KLHL13: variants seen among roughly 807,000 people sequenced by gnomAD.
The protein encoded by KLHL13 is kelch-like protein 13.
KLHL13 carries 10 observed loss-of-function variants against 37.1 expected under a neutral mutation model. The observed-to-expected ratio is 0.27, with a 90% CI of 0.17 to 0.46. KLHL13 has a LOEUF of 0.46. Among genes scored for constraint, KLHL13 ranks in the 20% least tolerant of loss-of-function variants. The pLI, the probability that KLHL13 is intolerant of heterozygous loss-of-function variation, is 1.00. For missense variants in KLHL13, 360 were observed against 509.3 expected, an observed-to-expected ratio of 0.71 and a Z score of 2.82; for synonymous variants, 163 against 181.2, an observed-to-expected ratio of 0.90 and a Z score of 0.81.
chrX:118,036,588 C>A (rs755350276), intron 1 of KLHL13, among the ~76,000 whole-genome samples: 1 of 111,619 alleles, frequency 9.0e-6, no homozygotes, highest in East Asian at 2.8e-4. Context: ...ATACAAAAAT[C>A]AATTCAAAAT....
At chrX:118,116,865 TGG>T (rs764710116), upstream of KLHL13, 40 of 12,960 alleles carry the variant, frequency 3.1e-3, no homozygotes, top group African/African-American at 5.5e-3. Context: ...GAGGGGGCAG[TGG>T]GGGGGGGAGC....
intron 1 of KLHL13, among the ~76,000 whole-genome samples, chrX:117,956,919 T>C (rs1158125300): frequency 2.7e-5 from 3 of 112,633 alleles, no homozygotes; most frequent in Non-Finnish European, 5.6e-5. Flanking sequence ...TTTGACTACA[T>C]ACATATTTCT....
chrX:117,919,077 G>A (rs969285718), intron 4 of KLHL13, among the ~76,000 whole-genome samples: 19 of 110,372 alleles, frequency 1.7e-4, no homozygotes, highest in African/African-American at 5.6e-4. Context: ...AGGCTGGAGT[G>A]CAATGGCGTG....
At chrX:117,930,242 G>GAGGGAGGAAGGA (rs1932346230) in intron 2 of KLHL13, among the ~76,000 whole-genome samples, 1 of 62,992 alleles carries the variant, frequency 1.6e-5, no homozygotes, top group African/African-American at 7.9e-5. Flanking sequence ...GGAAGGAAGG[G>GAGGGAGGAAGGA]AGGAAGGAAG....
chrX:117,905,110 C>A (rs1930412785), intron 5 of KLHL13, among the ~76,000 whole-genome samples: 1 of 110,913 alleles, frequency 9.0e-6, no homozygotes, highest in African/African-American at 3.3e-5. Flanking sequence ...ACATAGAACG[C>A]TGGTGAGTGA....
chrX:117,956,298 T>C (rs142953020), intron 1 of KLHL13, among the ~76,000 whole-genome samples: 6,047 of 111,792 alleles, frequency 0.054, 402 homozygotes, highest in African/African-American at 0.18. Context: ...GGCAGACTGA[T>C]GATTTGGGGA....
chrX:117,908,781 A>C (rs1161862644), intron 5 of KLHL13, among the ~76,000 whole-genome samples: 1 of 112,205 alleles, frequency 8.9e-6, no homozygotes, highest in African/African-American at 3.2e-5. Flanking sequence ...AGATCATAAT[A>C]TTCACAGTGA....
intron 6 of KLHL13, among the ~76,000 whole-genome samples, chrX:117,899,606 C>CT (rs1929961424): frequency 8.9e-6 from 1 of 111,942 alleles, no homozygotes; most frequent in Non-Finnish European, 1.9e-5. Context: ...AAAACAATTA[C>CT]TTTTTTTGCA....
chrX:118,054,700 T>C (rs904109750), intron 1 of KLHL13, among the ~76,000 whole-genome samples: 1 of 112,105 alleles, frequency 8.9e-6, no homozygotes, highest in South Asian at 3.7e-4. Flanking sequence ...CTCTGATTTA[T>C]ACATCACAAT....
At chrX:117,929,626 A>G (rs1932273732) in intron 2 of KLHL13, among the ~76,000 whole-genome samples, 1 of 109,789 alleles carries the variant, frequency 9.1e-6, no homozygotes, top group Non-Finnish European at 1.9e-5. Flanking sequence ...GTCAAAATCC[A>G]ACATCCATTC....
At chrX:117,920,787 T>G (rs1487535866) in intron 2 of KLHL13, among the ~76,000 whole-genome samples, 1 of 111,223 alleles carries the variant, frequency 9.0e-6, no homozygotes, top group East Asian at 2.8e-4. Flanking sequence ...CATCTTGGTT[T>G]TGTTTTGTTT....
chrX:118,037,143 G>GT (rs1478189483), intron 1 of KLHL13, among the ~76,000 whole-genome samples: 2 of 92,775 alleles, frequency 2.2e-5, no homozygotes, highest in Non-Finnish European at 4.2e-5. Context: ...TACACTGTTG[G>GT]TGGGACTGTA....
At chrX:118,012,386 A>T (rs1215790922) in intron 1 of KLHL13, among the ~76,000 whole-genome samples, 2 of 109,663 alleles carry the variant, frequency 1.8e-5, no homozygotes, top group African/African-American at 6.6e-5. Context: ...TGTTGTTGTT[A>T]TTTTTTTTCC....
At chrX:117,966,586 G>A (rs895268869) in intron 1 of KLHL13, among the ~76,000 whole-genome samples, 1 of 111,189 alleles carries the variant, frequency 9.0e-6, no homozygotes, top group African/African-American at 3.3e-5. Flanking sequence ...AACCAAAAAG[G>A]AGCCCACATT....
At chrX:118,097,294 C>G (rs1396794035) in intron 1 of KLHL13, among the ~76,000 whole-genome samples, 4 of 110,843 alleles carry the variant, frequency 3.6e-5, no homozygotes, top group Non-Finnish European at 7.5e-5. Flanking sequence ...AACAGACAAA[C>G]AGAGAACCAG....
chrX:117,982,824 T>C (rs1306755574), intron 1 of KLHL13, among the ~76,000 whole-genome samples: 1 of 111,488 alleles, frequency 9.0e-6, no homozygotes, highest in African/African-American at 3.3e-5. Context: ...TCTTTCTCAG[T>C]CCCTGGCCTG....
At chrX:118,081,784 C>G (rs2054996883) in intron 1 of KLHL13, among the ~76,000 whole-genome samples, 1 of 111,285 alleles carries the variant, frequency 9.0e-6, no homozygotes, top group African/African-American at 3.3e-5. Flanking sequence ...ATTCTTCTCT[C>G]TACCTCCATG....
Position 118,113,741 on chromosome X carries a change from C to A in KLHL13, c.-56+2767G>T, listed in dbSNP as rs143323401. ...CATATTCCCCTACTTATTTTCATTG[C>A]TCTTACTACAGTCTATAAGGATCTT... On this transcript the variant is annotated intron_variant, in intron 1 of 6. Coordinates refer to the KLHL13 transcript ENST00000371882. 9.1e-3 allele frequency among the ~76,000 whole-genome samples: 1,014 copies of A among 111,963 alleles called. 14 individuals are homozygous for A. Among genetic ancestry groups the A allele is most frequent in the African/African-American group, 0.031 (956 of 30,830 alleles).
At chrX:117,949,616 T>C (rs994577058) in intron 1 of KLHL13, among the ~76,000 whole-genome samples, 2 of 112,149 alleles carry the variant, frequency 1.8e-5, no homozygotes, top group African/African-American at 6.5e-5. Context: ...TCAATCTCCA[T>C]ACCTAAATAA....
Sources: gnomAD v4.1 joint callset for allele counts (sites outside exome capture counted in the v4.1 genomes callset) on GRCh38, gnomAD v4.1.1 for gene constraint, MANE v1.5 for transcripts, NCBI Gene and HGNC (gene_info 2026-07-23, HGNC 2026-07-21) for gene names.